MYH3: variants seen among roughly 807,000 people sequenced by gnomAD.
The protein encoded by MYH3 is myosin-3.
A neutral mutation model predicts 238.0 loss-of-function variants in MYH3; 130 were observed. The ratio of observed to expected loss-of-function variants is 0.55; its 90% CI spans 0.47 to 0.63. MYH3 has a LOEUF of 0.63. Among genes scored for constraint, MYH3 ranks in the 30% least tolerant of loss-of-function variants. The pLI is 0.00. For synonymous variants in MYH3, 880 were observed against 924.1 expected, an observed-to-expected ratio of 0.95 and a Z score of 0.86; for missense variants, 1,853 against 2,374.9, an observed-to-expected ratio of 0.78 and a Z score of 4.57.
At chr17:10,664,333 A>G in the MYH3 span, among the ~76,000 whole-genome samples, 8,146 of 152,238 alleles carry the variant, frequency 0.054, 277 homozygotes, top group East Asian at 0.13. Flanking sequence ...CCAAGGCACG[A>G]GACAGGTAGA....
At chr17:10,675,365 A>G in the MYH3 span, 2 of 152,396 alleles carry the variant, frequency 1.3e-5, no homozygotes, top group Middle Eastern at 3.4e-3. Flanking sequence ...CCCAAGCTAC[A>G]GCAAATTGCT....
At chr17:10,653,907 TAC>T (rs1408106177) in intron 3 of MYH3, among the ~76,000 whole-genome samples, 1 of 152,172 alleles carries the variant, frequency 6.6e-6, no homozygotes, top group African/African-American at 2.4e-5. Flanking sequence ...TTATTGGAAA[TAC>T]ACAGAGAGCC....
chr17:10,658,601 T>G (rs1224200906), upstream of MYH3: 1 of 152,198 alleles, frequency 6.6e-6, no homozygotes, highest in Non-Finnish European at 1.5e-5. Context: ...TTTACAAAAT[T>G]GAGGTGATTT....
chr17:10,640,804 A>G, intron 19 of MYH3, 118 bp from the exon 20 acceptor site: 3 of 1,325,814 alleles, frequency 2.3e-6, no homozygotes, highest in Non-Finnish European at 3.2e-6. Context: ...GAGATGAGGG[A>G]ACTAGCTCGG....
the MYH3 span, among the ~76,000 whole-genome samples, chr17:10,669,806 G>A: frequency 1.3e-5 from 2 of 152,108 alleles, no homozygotes; most frequent in Admixed American, 6.5e-5. Flanking sequence ...AGCTACTCCA[G>A]ACGCTGAGGT....
Position 10,638,421 on chromosome 17 carries a change from C to T in MYH3, c.3351G>A (p.Glu1117=), listed in dbSNP as rs1234219842. The T allele has an allele frequency of 6.2e-7, 1 of 1,600,136 alleles. No individual in the cohort carries two copies. Among genetic ancestry groups the T allele is most frequent in the Non-Finnish European group, 8.5e-7 (1 of 1,179,946 alleles). The part of the protein sequence containing the change: ...KKIKELQARI[E]ELEEEIEAER... Reference sequence around the variant, plus strand: ...CCGCCTCTATCTCCTCTTCCAGCTCCTCAATTCGAGCCTGTGGAGGGCAGC... The same window carrying T: ...CCGCCTCTATCTCCTCTTCCAGCTCTTCAATTCGAGCCTGTGGAGGGCAGC... The change falls in exon 27 of 41, where the codon GAG becomes GAA. Residue 1117 remains glutamate (E), a synonymous_variant. Transcript: ENST00000583535.
At chr17:10,637,089 C>A (rs768900786) in intron 28 of MYH3, among the ~76,000 whole-genome samples, 3 of 147,318 alleles carry the variant, frequency 2.0e-5, no homozygotes, top group Non-Finnish European at 4.5e-5. Flanking sequence ...GACAGAGTTT[C>A]ATTCTTGTTG....
In MYH3 at chr17:10,632,630, G is replaced by A. The variant is rs761232517; in HGVS notation, c.4802C>T (p.Ala1601Val). The change falls in exon 34 of 41, where the codon GCC becomes GTC. Residue 1601 changes from alanine to valine, a missense_variant. Ala to Val is a moderately conservative substitution (Grantham distance 64). Around this residue, in one of 3 missense-constraint regions of MYH3, gnomAD observed 1,044 missense variants for 1,192.6 expected, o/e 0.88. Transcript: ENST00000583535. ...CCTGCTCCGCACCTCGGCGTCCAGG[G>A]CGCTCTGCATGGTTTCCACTGTTCT... The part of the protein sequence containing the change: ...YQRTVETMQS[A>V]LDAEVRSRNE... 1.2e-6 allele frequency: 2 copies of A among 1,614,114 alleles called. No homozygotes were observed. Among genetic ancestry groups the A allele is most frequent in the Non-Finnish European group, 1.7e-6 (2 of 1,180,038 alleles).
At chr17:10,645,179 A>G (rs984530640) in intron 12 of MYH3, among the ~76,000 whole-genome samples, 4 of 151,852 alleles carry the variant, frequency 2.6e-5, no homozygotes, top group Non-Finnish European at 5.9e-5. Context: ...TCACACCCGT[A>G]ATCACAGCAC....
In MYH3 at chr17:10,640,269, C is replaced by G; in HGVS notation, c.2427-18G>C. ...TGGACTCCCTAAAAACAAGACATTG[C>G]TTATTTCTGAGAGAGACTCCCCTTC... On this transcript the variant is annotated intron_variant, in intron 21 of 40. Coordinates refer to ENST00000583535, the MANE Select transcript of MYH3 (RefSeq NM_002470.4). 6.2e-7 allele frequency: 1 copy of G among 1,614,210 alleles called. No individual in the cohort carries two copies. Among genetic ancestry groups the G allele is most frequent in the Middle Eastern group, 1.6e-4 (1 of 6,062 alleles).
At chr17:10,633,257 G>A (rs182733836) in intron 33 of MYH3, among the ~76,000 whole-genome samples, 83 of 152,222 alleles carry the variant, frequency 5.5e-4, no homozygotes, top group Middle Eastern at 3.4e-3. Flanking sequence ...ACGTTTCATT[G>A]CTTTTTGGTT....
intron 17 of MYH3, among the ~76,000 whole-genome samples, chr17:10,641,595 A>ACCT (rs775570480): frequency 1.3e-5 from 2 of 148,326 alleles, no homozygotes; most frequent in Non-Finnish European, 3.0e-5. Context: ...GCTCACTGCA[A>ACCT]CCTCCTCCTC....
At chr17:10,665,496 G>C in the MYH3 span, among the ~76,000 whole-genome samples, 4 of 152,218 alleles carry the variant, frequency 2.6e-5, no homozygotes, top group Admixed American at 2.0e-4. Flanking sequence ...TTTCAAACCT[G>C]GCTATCCCTT....
chr17:10,633,568 T>C lies in MYH3; in HGVS notation c.4647+23A>G, dbSNP rs764133412. The C allele has an allele frequency of 4.3e-6, 7 of 1,611,556 alleles. No homozygotes were observed. The African/African-American group carries it at 8.0e-5, about 18-fold the overall frequency. On this transcript the variant is annotated intron_variant, in intron 33 of 40. Transcript: ENST00000583535. ...GGCTCACCATGGCTGCATCTGCGCC[T>C]GAGCCTGCCTCCCAGCACTCACCTC...
At chr17:10,668,905 G>GT in the MYH3 span, among the ~76,000 whole-genome samples, 3 of 152,168 alleles carry the variant, frequency 2.0e-5, no homozygotes, top group African/African-American at 7.2e-5. Context: ...AGATGTTAAT[G>GT]TTTTTCTATT....
rs779009007 is a variant in MYH3 at position 10,632,581 on chromosome 17, C to T, written c.4851G>A (p.Lys1617=). ...RSRNEAIRLK[K]KMEGDLNEIE... is the part of the protein sequence containing the mutation. ...TTTCATTCAGGTCCCCCTCCATCTT[C>T]TTCTTGAGCCGGATGGCTTCATTCC... Residue 1617 remains lysine (K), a synonymous_variant, in exon 34 of 41, where the codon AAG becomes AAA. Coordinates refer to ENST00000583535, the MANE Select transcript of MYH3 (RefSeq NM_002470.4). 2 of 1,614,080 alleles carry T rather than the reference C, an allele frequency of 1.2e-6. No homozygotes were observed. The highest frequency in any genetic ancestry group is 2.7e-5 in the African/African-American group (2 of 74,946).
chr17:10,664,436 C>T, the MYH3 span, among the ~76,000 whole-genome samples: 1 of 152,124 alleles, frequency 6.6e-6, no homozygotes, highest in Non-Finnish European at 1.5e-5. Context: ...AACCACCTCC[C>T]TAACTATTAA....
chr17:10,676,828 G>C, the MYH3 span: 2 of 152,090 alleles, frequency 1.3e-5, no homozygotes, highest in Non-Finnish European at 2.9e-5. Context: ...GTATAATTAC[G>C]GAAGAAGAGC....
At chr17:10,674,349 C>T in the MYH3 span, 1 of 182,804 alleles carries the variant, frequency 5.5e-6, no homozygotes, top group African/African-American at 2.4e-5. Context: ...TCACTTGAAC[C>T]AGGGAGGTGG....
Sources: gnomAD v4.1 joint callset for allele counts (sites outside exome capture counted in the v4.1 genomes callset) on GRCh38, gnomAD v4.1.1 for gene constraint, gnomAD v4.1.1 regional missense constraint, MANE v1.5 for transcripts, NCBI Gene and HGNC (gene_info 2026-07-23, HGNC 2026-07-21) for gene names.